PAN3: variants seen among roughly 807,000 people sequenced by gnomAD.
PAN3 encodes the protein poly(A) specific ribonuclease subunit PAN3.
Under a neutral mutation model 96.2 loss-of-function variants are expected in PAN3, and 19 were observed. The ratio of observed to expected loss-of-function variants is 0.20; its 90% CI spans 0.14 to 0.29. The LOEUF is 0.29. Among genes scored for constraint, PAN3 ranks in the 10% least tolerant of loss-of-function variants. The pLI is 1.00. For synonymous variants in PAN3, 433 were observed against 406.6 expected (o/e 1.06, Z -0.78); for missense variants, 882 against 1,108.1 (o/e 0.80, Z 2.90).
At position 28,292,911 on chromosome 13, in the gene PAN3, G is replaced by C. The variant is rs1407076687; in HGVS notation, c.*389G>C. On this transcript the variant is annotated 3_prime_UTR_variant, in exon 19 of 19. Transcript: ENST00000380958. ...TGCAAGGACATTTTTGGGAAGCAAT[G>C]CTGGGCAGCGTTTTTGCCATTGAGG... 1 of 154,304 alleles carries C rather than the reference G, an allele frequency of 6.5e-6. No homozygotes were observed. Among genetic ancestry groups the C allele is most frequent in the Non-Finnish European group, 1.4e-5 (1 of 69,370 alleles). The allele number at this position is 154,304 out of a possible 1,614,324, so 9.6% of individuals were successfully genotyped here. A position where few individuals can be genotyped will look rare whatever the true frequency, so the allele number is the denominator to read the frequency against.
intron 4 of PAN3, among the ~76,000 whole-genome samples, chr13:28,182,886 C>A (rs1283374885): frequency 6.6e-6 from 1 of 152,158 alleles, no homozygotes; most frequent in Non-Finnish European, 1.5e-5. Flanking sequence ...TTTATGTTTT[C>A]TGATTAACTT....
At chr13:28,163,903 A>G (rs1873205028) in intron 1 of PAN3, among the ~76,000 whole-genome samples, 1 of 152,174 alleles carries the variant, frequency 6.6e-6, no homozygotes. Flanking sequence ...CATTTACTGA[A>G]TAATCCCCCT....
intron 5 of PAN3, among the ~76,000 whole-genome samples, chr13:28,216,199 GAAAA>G (rs35775689): frequency 3.7e-5 from 5 of 133,742 alleles, no homozygotes; most frequent in African/African-American, 8.5e-5. Context: ...AGTTTAGTGA[GAAAA>G]AAAAAAAAGC....
intron 1 of PAN3, among the ~76,000 whole-genome samples, chr13:28,140,083 G>A (rs1275006325): frequency 2.0e-5 from 3 of 152,244 alleles, no homozygotes; most frequent in Admixed American, 1.3e-4. Flanking sequence ...GAGTAGCTGG[G>A]ACTACAGGCG....
At chr13:28,267,998 C>T (rs750278718) in intron 12 of PAN3, among the ~76,000 whole-genome samples, 13 of 152,158 alleles carry the variant, frequency 8.5e-5, no homozygotes, top group Non-Finnish European at 1.3e-4. Context: ...TGAAGACTCA[C>T]ATAGATATCA....
intron 5 of PAN3, among the ~76,000 whole-genome samples, chr13:28,208,665 CATTTCAG>C (rs1566188351): frequency 6.6e-6 from 1 of 152,038 alleles, no homozygotes. Flanking sequence ...GATTTTGGAG[CATTTCAG>C]ATTTCAGATT....
At chr13:28,220,929 A>G (rs924711369) in intron 6 of PAN3, among the ~76,000 whole-genome samples, 1 of 152,174 alleles carries the variant, frequency 6.6e-6, no homozygotes, top group Non-Finnish European at 1.5e-5. Context: ...AGAGAAAAAC[A>G]CTTTTTAGTT....
chr13:28,207,575 C>A (rs143164574), intron 5 of PAN3, among the ~76,000 whole-genome samples: 8 of 152,308 alleles, frequency 5.3e-5, no homozygotes, highest in African/African-American at 1.9e-4. Flanking sequence ...TCTTTTTGAA[C>A]ATTCACCTTG....
At chr13:28,167,587 A>AAAG (rs1873747187) in intron 1 of PAN3, among the ~76,000 whole-genome samples, 1 of 150,848 alleles carries the variant, frequency 6.6e-6, no homozygotes, top group East Asian at 2.0e-4. Context: ...CTGTAATCCT[A>AAAG]GCACTTTGGG....
intron 1 of PAN3, among the ~76,000 whole-genome samples, chr13:28,153,725 C>T (rs1000095490): frequency 3.3e-5 from 5 of 152,124 alleles, no homozygotes; most frequent in South Asian, 2.1e-4. Context: ...GTACAAAAGA[C>T]GAACCCAAAC....
In PAN3 at chr13:28,206,773, C is replaced by T. The variant is rs189640721; in HGVS notation, c.852+9427C>T. Among the ~76,000 whole-genome samples the T allele has an allele frequency of 1.9e-4, 29 of 149,552 alleles. No homozygotes were observed. In the South Asian group the frequency reaches 3.4e-3, roughly 17 times the overall value. On this transcript the variant is annotated intron_variant, in intron 5 of 18. Coordinates refer to ENST00000380958, the MANE Select transcript of PAN3 (RefSeq NM_175854.8). ...TTTGTAAGACTTCTTGGCCTTTGTA[C>T]TGCCCTCAAGAACTCTGCCAAGCTC...
At chr13:28,163,492 C>T (rs555476624) in intron 1 of PAN3, among the ~76,000 whole-genome samples, 2 of 152,276 alleles carry the variant, frequency 1.3e-5, no homozygotes, top group East Asian at 3.9e-4. Context: ...TGATTCCACA[C>T]CACAACCCTA....
intron 1 of PAN3, among the ~76,000 whole-genome samples, chr13:28,158,883 A>G (rs564643407): frequency 1.5e-3 from 226 of 152,078 alleles, no homozygotes; most frequent in African/African-American, 4.5e-3. Context: ...ATCTCAGAAA[A>G]AAAAAAAAAA....
At chr13:28,262,413 T>C (rs2138626248) in intron 9 of PAN3, among the ~76,000 whole-genome samples, 2 of 152,316 alleles carry the variant, frequency 1.3e-5, no homozygotes, top group Middle Eastern at 6.8e-3. Flanking sequence ...TAATCAGAAA[T>C]TCAGCATCGT....
chr13:28,203,419 T>C (rs1878973683), intron 5 of PAN3, among the ~76,000 whole-genome samples: 1 of 152,160 alleles, frequency 6.6e-6, no homozygotes, highest in Non-Finnish European at 1.5e-5. Context: ...TTCTCCCACT[T>C]TAGCCTCCCA....
At chr13:28,206,931 C>T (rs1879445591) in intron 5 of PAN3, among the ~76,000 whole-genome samples, 1 of 152,088 alleles carries the variant, frequency 6.6e-6, no homozygotes, top group South Asian at 2.1e-4. Context: ...GTCCTCTGCA[C>T]TCATTCTATT....
At chr13:28,186,218 T>C (rs1023499260) in intron 4 of PAN3, among the ~76,000 whole-genome samples, 16 of 152,212 alleles carry the variant, frequency 1.1e-4, no homozygotes, top group African/African-American at 3.4e-4. Context: ...TATTTTGTTA[T>C]CTTAGGTTTA....
chr13:28,189,302 A>G (rs1876895901), intron 4 of PAN3, among the ~76,000 whole-genome samples: 1 of 152,066 alleles, frequency 6.6e-6, no homozygotes, highest in Admixed American at 6.6e-5. Flanking sequence ...TGGATCATGA[A>G]GTCAGGAGTT....
intron 12 of PAN3, 74 bp downstream of exon 12, chr13:28,267,475 A>T: frequency 8.4e-7 from 1 of 1,197,432 alleles, no homozygotes; most frequent in Non-Finnish European, 1.2e-6. Context: ...TTCTATTTTA[A>T]AATACGTATA....
Sources: allele counts gnomAD v4.1 joint callset (sites outside exome capture counted in the v4.1 genomes callset), GRCh38; gene constraint gnomAD v4.1.1; transcripts MANE v1.5; gene names NCBI Gene and HGNC (gene_info 2026-07-23, HGNC 2026-07-21).